The following KIAA1614 variants were observed in gnomAD, a reference collection of about 807,000 sequenced individuals.
KIAA1614 encodes KIAA1614.
KIAA1614 carries 76 observed loss-of-function variants against 88.7 expected under a neutral mutation model. The ratio of observed to expected loss-of-function variants is 0.86; its 90% confidence interval spans 0.71 to 1.04. The LOEUF (loss-of-function observed/expected upper bound fraction) is 1.04. Among genes scored for constraint, KIAA1614 ranks in the 50% least tolerant of loss-of-function variants. The pLI, the probability that KIAA1614 is intolerant of heterozygous loss-of-function variation, is 0.00. For synonymous variants in KIAA1614, 714 were observed against 675.5 expected, an observed-to-expected ratio of 1.06 and a Z score of -0.88; for missense variants, 1,553 against 1,582.5, an observed-to-expected ratio of 0.98 and a Z score of 0.32.
intron 4 of KIAA1614, among the ~76,000 whole-genome samples, chr1:180,929,505 T>A (rs1654145175): frequency 6.6e-6 from 1 of 152,140 alleles, no homozygotes; most frequent in Non-Finnish European, 1.5e-5. Flanking sequence ...AACTGAAGAT[T>A]TGGATGTCAT....
In KIAA1614 at chr1:180,941,172, A is replaced by T. The variant is rs770877148; in HGVS notation, c.3046A>T (p.Ser1016Cys). The T allele has an allele frequency of 1.2e-6, 2 of 1,613,704 alleles. No individual in the cohort carries two copies. The highest frequency in any genetic ancestry group is 1.7e-6 in the Non-Finnish European group (2 of 1,179,946). The change falls in exon 7 of 9, where the codon AGT (serine) becomes TGT (cysteine). Residue 1016 changes from serine (S) to cysteine (C), a missense_variant. By Grantham distance (112) the Ser-to-Cys change is moderately radical. Transcript: ENST00000367588. ...AAAGCTCTTCTCAGCCCTGGGCCAG[A>T]GTTCCCGGCCCAAGCTGGGCAAGTC... ...LKKLFSALGQ[S>C]SRPKLGKSRS...
In KIAA1614 at chr1:180,945,573, TC is replaced by T. The variant is rs1654574084; in HGVS notation, c.3559del (p.Leu1187TrpfsTer16). The T allele has an allele frequency of 1.9e-6, 3 of 1,611,892 alleles. No homozygotes were observed. Among genetic ancestry groups the T allele is most frequent in the Non-Finnish European group, 2.5e-6 (3 of 1,179,472 alleles). On this transcript the variant is annotated frameshift_variant, in exon 9 of 9. Coordinates refer to ENST00000367588, the MANE Select transcript of KIAA1614 (RefSeq NM_020950.2). LOFTEE classifies it high-confidence loss of function. ...CCTTCTGGCTGTGGTCAGAGGCTTT[TC>T]TGGTCTTTGGCTGAGCCGTGCAGCT... ...RAFWLWSEAF[L>X]VFG
intron 3 of KIAA1614, among the ~76,000 whole-genome samples, chr1:180,924,374 C>T (rs1654020889): frequency 6.6e-6 from 1 of 152,222 alleles, no homozygotes; most frequent in African/African-American, 2.4e-5. Flanking sequence ...AGGTTCTCAC[C>T]AAAGGGGCAG....
In KIAA1614 at chr1:180,950,340, G is replaced by A. The variant is rs1023356058; in HGVS notation, c.*4752G>A. The A allele has an allele frequency of 4.2e-6, 5 of 1,200,196 alleles. No homozygotes were observed. In the African/African-American group the frequency reaches 6.5e-5, roughly 16 times the overall value. 74.3% of individuals were successfully genotyped at this position (1,200,196 alleles called of 1,614,324 possible). A position where few individuals can be genotyped will look rare whatever the true frequency, so the allele number is the denominator to read the frequency against. ...GAAATTCTCCTGTTTTCCTCTGCAG[G>A]GATCTACGTGCAGGAGATGGCTGAC... On this transcript the variant is annotated 3_prime_UTR_variant, in exon 9 of 9. Transcript: ENST00000367588.
In KIAA1614 at chr1:180,941,192, C is replaced by T; in HGVS notation, c.3066C>T (p.Gly1022=). 6.2e-7 allele frequency: 1 copy of T among 1,613,860 alleles called. No homozygotes were observed. The highest frequency in any genetic ancestry group is 1.1e-5 in the South Asian group (1 of 91,072). Residue 1022 remains glycine (G), a synonymous_variant, in exon 7 of 9, where the codon GGC becomes GGT. Transcript: ENST00000367588. The stretch of plus-strand genomic sequence containing the variant: ...GCCAGAGTTCCCGGCCCAAGCTGGG[C>T]AAGTCCCGCAGCTACAGTGTGGAGC... The part of the protein sequence containing the change: ...ALGQSSRPKL[G]KSRSYSVEQL...
rs3747959 is a variant in KIAA1614 at position 180,916,743 on chromosome 1, C to G, written c.640C>G (p.His214Asp). 1 of 1,614,132 alleles carries G rather than the reference C, an allele frequency of 6.2e-7. No individual in the cohort carries two copies. The highest frequency in any genetic ancestry group is 1.1e-5 in the South Asian group (1 of 91,074). ...GPSSLQQSPI[H>D]GVTPGRPGGP... ...CAGCTCTTTGCAACAGAGCCCGATC[C>G]ATGGAGTTACTCCCGGACGGCCTGG... is the stretch of plus-strand genomic sequence containing the variant. Residue 214 changes from histidine to aspartate, a missense_variant, in exon 2 of 9, where the codon CAT becomes GAT. His to Asp is a moderately conservative substitution (Grantham distance 81). Coordinates refer to ENST00000367588, the MANE Select transcript of KIAA1614 (RefSeq NM_020950.2).
chr1:180,918,008 G>A (rs1290480769), intron 3 of KIAA1614, 94 bp downstream of exon 3: 8 of 1,051,142 alleles, frequency 7.6e-6, no homozygotes, highest in Non-Finnish European at 1.2e-5. Context: ...CTCCCAAAGT[G>A]AGAGGGCAGG....
rs897326315 is a variant in KIAA1614 at position 180,945,868 on chromosome 1, G to A, written c.*280G>A. On this transcript the variant is annotated 3_prime_UTR_variant, in exon 9 of 9. Transcript: ENST00000367588. Reference sequence around the variant, plus strand: ...GCCTGTAATCCCAGAACTTTGGGAGGCCGAGGCGCCTGGATCACCTGAGGT... The same window carrying A: ...GCCTGTAATCCCAGAACTTTGGGAGACCGAGGCGCCTGGATCACCTGAGGT... 3 of 1,109,374 alleles carry A rather than the reference G, an allele frequency of 2.7e-6. No individual in the cohort carries two copies. The highest frequency in any genetic ancestry group is 3.4e-6 in the Non-Finnish European group (3 of 894,682). The allele number at this position is 1,109,374 out of a possible 1,614,324, so 68.7% of individuals were successfully genotyped here. A position where few individuals can be genotyped will look rare whatever the true frequency, so the allele number is the denominator to read the frequency against.
chr1:180,928,617 G>T, intron 4 of KIAA1614, 44 bp downstream of exon 4: 1 of 1,589,784 alleles, frequency 6.3e-7, no homozygotes, highest in Non-Finnish European at 8.6e-7. Flanking sequence ...GGCCATAGCA[G>T]GGAAGAGTCA....
At chr1:180,918,726 G>T (rs1653879488) in intron 3 of KIAA1614, among the ~76,000 whole-genome samples, 1 of 152,210 alleles carries the variant, frequency 6.6e-6, no homozygotes, top group Non-Finnish European at 1.5e-5. Flanking sequence ...CGACACGGTT[G>T]CTGCTCCGGT....
chr1:180,915,264 A>G (rs1653752534), intron 1 of KIAA1614, among the ~76,000 whole-genome samples: 1 of 152,176 alleles, frequency 6.6e-6, no homozygotes, highest in African/African-American at 2.4e-5. Context: ...CTTGTGCATC[A>G]GGGGTCAGGG....
chr1:180,915,196 G>A (rs1489252011), intron 1 of KIAA1614, among the ~76,000 whole-genome samples: 1 of 152,224 alleles, frequency 6.6e-6, no homozygotes, highest in Non-Finnish European at 1.5e-5. Context: ...TGCCTAATCG[G>A]CGTTCCTGAC....
chr1:180,928,502 C>T lies in KIAA1614; in HGVS notation c.1134C>T (p.Ala378=). Residue 378 remains alanine (A), a synonymous_variant, in exon 4 of 9, where the codon GCC becomes GCT. Coordinates refer to ENST00000367588, the MANE Select transcript of KIAA1614 (RefSeq NM_020950.2). ...AAGCCACGCATCTGCTGCAGCGTGCCCGCATGAAGGCCAGGACCCGGCCCC... is the reference window on the plus strand; with the variant it reads ...AAGCCACGCATCTGCTGCAGCGTGCTCGCATGAAGGCCAGGACCCGGCCCC... ...HEEATHLLQR[A]RMKARTRPLR... The T allele has an allele frequency of 6.2e-7, 1 of 1,613,164 alleles. No homozygotes were observed. Among genetic ancestry groups the T allele is most frequent in the Non-Finnish European group, 8.5e-7 (1 of 1,179,966 alleles).
rs754310661 is a variant in KIAA1614, at chr1:180,936,042, C to T, written c.2133C>T (p.Asp711=). The change falls in exon 5 of 9, where the codon GAC becomes GAT. Residue 711 remains aspartate (D), a synonymous_variant. Transcript: ENST00000367588. ...LFLREDAKPP[D]LELKRVSLGP... ...TGAGAGAAGATGCCAAGCCTCCTGA[C>T]CTGGAGTTGAAGCGGGTGTCCCTGG... 39 of 1,614,018 alleles carry T rather than the reference C, an allele frequency of 2.4e-5. No individual in the cohort carries two copies. Among genetic ancestry groups the T allele is most frequent in the Non-Finnish European group, 3.1e-5 (36 of 1,179,984 alleles).
chr1:180,919,102 C>T (rs1653889497), intron 3 of KIAA1614, among the ~76,000 whole-genome samples: 1 of 152,164 alleles, frequency 6.6e-6, no homozygotes, highest in African/African-American at 2.4e-5. Flanking sequence ...CTGACACCCT[C>T]ACACTGGGGA....
chr1:180,943,520 G>A (rs911477644), intron 7 of KIAA1614, among the ~76,000 whole-genome samples: 9 of 144,654 alleles, frequency 6.2e-5, no homozygotes, highest in Non-Finnish European at 1.1e-4. Flanking sequence ...ATACCCAGTA[G>A]TGGGATTGTA....
Position 180,936,084 on chromosome 1 carries a change from T to C in KIAA1614, c.2175T>C (p.Pro725=), listed in dbSNP as rs577489860. The change falls in exon 5 of 9, where the codon CCT becomes CCC. Residue 725 remains proline (P), a synonymous_variant. Transcript: ENST00000367588. ...KRVSLGPQWQ[P]GPGLGSHQPH... ...TGTCCCTGGGACCCCAGTGGCAGCC[T>C]GGACCAGGGCTGGGAAGTCACCAGC... 78 of 1,614,200 alleles carry C rather than the reference T, an allele frequency of 4.8e-5. No individual in the cohort carries two copies. The South Asian group carries it at 8.6e-4, about 18-fold the overall frequency.
At chr1:180,914,395 G>T (rs566216439) in intron 1 of KIAA1614, among the ~76,000 whole-genome samples, 2 of 152,298 alleles carry the variant, frequency 1.3e-5, no homozygotes, top group East Asian at 3.9e-4. Flanking sequence ...AGGGGAGTAG[G>T]GTTAAGTGAT....
At chr1:180,914,593 AGGCT>A (rs1159674742) in intron 1 of KIAA1614, among the ~76,000 whole-genome samples, 1 of 152,112 alleles carries the variant, frequency 6.6e-6, no homozygotes, top group Non-Finnish European at 1.5e-5. Flanking sequence ...TCTATCGCCC[AGGCT>A]GGAGTGCAGT....
Sources: gnomAD v4.1 joint callset for allele counts (sites outside exome capture counted in the v4.1 genomes callset) on GRCh38, gnomAD v4.1.1 for gene constraint, MANE v1.5 for transcripts, NCBI Gene and HGNC (gene_info 2026-07-23, HGNC 2026-07-21) for gene names.